Variants in COG5 observed in about 807,000 individuals in gnomAD.
COG5 encodes the protein conserved oligomeric Golgi complex subunit 5.
In COG5, 86 loss-of-function variants were observed where a neutral mutation model predicts 110.4. The ratio of observed to expected loss-of-function variants is 0.78; its 90% CI spans 0.65 to 0.93. The LOEUF is 0.93. Ranked by LOEUF, COG5 falls within the 40% of genes least tolerant of loss-of-function variation. The pLI, the probability that COG5 is intolerant of heterozygous loss-of-function variation, is 0.00. For missense variants in COG5, 1,077 were observed against 987.0 expected (o/e 1.09, Z -1.22); for synonymous variants, 360 against 334.6 (o/e 1.08, Z -0.83).
intron 6 of COG5, among the ~76,000 whole-genome samples, chr7:107,480,294 T>A (rs1273718458): frequency 6.6e-6 from 1 of 152,156 alleles, no homozygotes; most frequent in Non-Finnish European, 1.5e-5. Context: ...GTATTTCTTT[T>A]ATCCTTTTCA....
chr7:107,341,341 A>C (rs1214050264), intron 10 of COG5, among the ~76,000 whole-genome samples: 6 of 152,044 alleles, frequency 3.9e-5, no homozygotes, highest in Non-Finnish European at 8.8e-5. Context: ...AGATCTCCAT[A>C]AGATATACAA....
chr7:107,353,294 G>A (rs556590375), intron 10 of COG5, among the ~76,000 whole-genome samples: 11 of 151,534 alleles, frequency 7.3e-5, no homozygotes, highest in Admixed American at 2.6e-4. Context: ...GCGAGGTGGC[G>A]GGCACCTGTA....
chr7:107,467,834 T>C (rs1029540864), intron 6 of COG5, among the ~76,000 whole-genome samples: 1 of 152,072 alleles, frequency 6.6e-6, no homozygotes, highest in Non-Finnish European at 1.5e-5. Context: ...CTGTACACAA[T>C]AAAAAAAGTT....
At chr7:107,337,332 A>G (rs772556422) in intron 10 of COG5, among the ~76,000 whole-genome samples, 2 of 152,208 alleles carry the variant, frequency 1.3e-5, no homozygotes, top group Non-Finnish European at 2.9e-5. Context: ...AGTGTATCAA[A>G]GGGGTTTATA....
intron 5 of COG5, among the ~76,000 whole-genome samples, chr7:107,530,737 G>C (rs1376756603): frequency 6.6e-6 from 1 of 151,376 alleles, no homozygotes; most frequent in Non-Finnish European, 1.5e-5. Context: ...TAGTTAATAA[G>C]TCTAAGCTAT....
At chr7:107,382,125 G>A (rs1405273373) in intron 7 of COG5, among the ~76,000 whole-genome samples, 4 of 152,150 alleles carry the variant, frequency 2.6e-5, no homozygotes, top group Non-Finnish European at 5.9e-5. Context: ...GGGGAAACTG[G>A]CCTCAAACCC....
chr7:107,431,012 C>A lies in COG5; in HGVS notation c.539-18380G>T, dbSNP rs113443939. 3.6e-3 allele frequency among the ~76,000 whole-genome samples: 542 copies of A among 151,714 alleles called. 7 individuals carry two copies. The highest frequency in any genetic ancestry group is 0.012 in the African/African-American group (502 of 41,392). ...TCCAAAAACCAAAAAAACAAACAAA[C>A]AAAAAAAACAAAACCAAAAACAAAC... is the stretch of plus-strand genomic sequence containing the variant. On this transcript the variant is annotated intron_variant, in intron 6 of 21. Coordinates refer to ENST00000297135, the MANE Select transcript of COG5 (RefSeq NM_006348.5).
chr7:107,452,858 C>T (rs1455749999), intron 6 of COG5, among the ~76,000 whole-genome samples: 1 of 152,176 alleles, frequency 6.6e-6, no homozygotes, highest in African/African-American at 2.4e-5. Context: ...GAACAAGCAC[C>T]CATCCCCTTG....
chr7:107,520,758 T>C (rs546212977), intron 6 of COG5, among the ~76,000 whole-genome samples: 1 of 152,318 alleles, frequency 6.6e-6, no homozygotes, highest in South Asian at 2.1e-4. Context: ...CCTATCAAAC[T>C]ACCATTAACA....
At chr7:107,518,709 T>C (rs978723056) in intron 6 of COG5, among the ~76,000 whole-genome samples, 11 of 152,146 alleles carry the variant, frequency 7.2e-5, no homozygotes, top group Non-Finnish European at 1.2e-4. Context: ...ACAGTAATAG[T>C]GGGAGACTTT....
chr7:107,257,707 T>C (rs1392597719), intron 15 of COG5, among the ~76,000 whole-genome samples: 1 of 152,144 alleles, frequency 6.6e-6, no homozygotes, highest in African/African-American at 2.4e-5. Flanking sequence ...CAGTTCACCT[T>C]AGACATAATA....
chr7:107,353,771 C>T (rs1342242549), intron 10 of COG5, among the ~76,000 whole-genome samples: 1 of 151,960 alleles, frequency 6.6e-6, no homozygotes, highest in African/African-American at 2.4e-5. Context: ...CATTTATGCC[C>T]TCTTTATATT....
chr7:107,356,007 T>G (rs1812595130), intron 10 of COG5, among the ~76,000 whole-genome samples: 1 of 152,224 alleles, frequency 6.6e-6, no homozygotes. Context: ...TCTTGCATAA[T>G]GCATAACATT....
chr7:107,274,984 G>A (rs540802150), intron 14 of COG5, among the ~76,000 whole-genome samples: 1 of 152,100 alleles, frequency 6.6e-6, no homozygotes, highest in Non-Finnish European at 1.5e-5. Context: ...TAGACACAGG[G>A]TCTCACTATG....
At chr7:107,533,510 G>C (rs554520640) in intron 5 of COG5, among the ~76,000 whole-genome samples, 16 of 151,506 alleles carry the variant, frequency 1.1e-4, no homozygotes, top group Non-Finnish European at 1.9e-4. Context: ...GGAGAACTTC[G>C]TGAAGCATAC....
At chr7:107,504,172 T>C (rs1798817282) in intron 6 of COG5, among the ~76,000 whole-genome samples, 1 of 152,216 alleles carries the variant, frequency 6.6e-6, no homozygotes, top group Non-Finnish European at 1.5e-5. Flanking sequence ...GGAAATCCCT[T>C]CTATGCCTAG....
intron 6 of COG5, among the ~76,000 whole-genome samples, chr7:107,466,045 C>A (rs1306158655): frequency 6.6e-6 from 1 of 151,110 alleles, no homozygotes; most frequent in Admixed American, 6.6e-5. Context: ...GAGAATTATG[C>A]AAAGAAAAAA....
intron 5 of COG5, among the ~76,000 whole-genome samples, chr7:107,534,484 T>C (rs528746757): frequency 1.4e-5 from 2 of 144,974 alleles, no homozygotes; most frequent in East Asian, 2.0e-4. Flanking sequence ...ACCAAGCAAA[T>C]GGAAAGCAAA....
At chr7:107,337,155 C>T (rs1810774558) in intron 10 of COG5, among the ~76,000 whole-genome samples, 1 of 151,918 alleles carries the variant, frequency 6.6e-6, no homozygotes, top group African/African-American at 2.4e-5. Flanking sequence ...ATAACACATA[C>T]TGGTGAGGAT....
Sources: gnomAD v4.1 joint callset for allele counts (sites outside exome capture counted in the v4.1 genomes callset) on GRCh38, gnomAD v4.1.1 for gene constraint, MANE v1.5 for transcripts, NCBI Gene and HGNC (gene_info 2026-07-23, HGNC 2026-07-21) for gene names.